The following YTHDF1 variants were observed in gnomAD, a reference collection of about 807,000 sequenced individuals.
The protein encoded by YTHDF1 is YTH domain-containing family protein 1.
In YTHDF1, 16 loss-of-function variants were observed where a neutral mutation model predicts 49.1. The observed-to-expected ratio is 0.33, with a 90% CI of 0.22 to 0.49. YTHDF1 has a LOEUF of 0.49. Among genes scored for constraint, YTHDF1 ranks in the 20% least tolerant of loss-of-function variants. The probability of loss-of-function intolerance (pLI) is 0.99; values close to 1 mark genes in which losing one functional copy is unlikely to be tolerated. For missense variants in YTHDF1, 621 were observed against 744.3 expected, an observed-to-expected ratio of 0.83 and a Z score of 1.93; for synonymous variants, 313 against 290.1, an observed-to-expected ratio of 1.08 and a Z score of -0.80.
rs765038885 is a variant in YTHDF1 at position 63,203,039 on chromosome 20, C to T, written c.901G>A (p.Val301Met). The T allele has an allele frequency of 1.4e-5, 22 of 1,606,682 alleles. No homozygotes were observed. The highest frequency in any genetic ancestry group is 1.8e-5 in the Non-Finnish European group (21 of 1,175,466). Residue 301 changes from valine to methionine, a missense_variant, in exon 4 of 5, where the codon GTG becomes ATG. By Grantham distance (21) the Val-to-Met change is conservative. This residue lies in a region of YTHDF1 where 470 missense variants were observed against 495.8 expected (regional missense o/e 0.95). Coordinates refer to ENST00000370339, the MANE Select transcript of YTHDF1 (RefSeq NM_017798.4). The surrounding 1 kb of genome is among the most constrained non-coding windows in gnomAD (Gnocchi z 4.4). Reference protein sequence around the residue: ...SPQAAPQPQQVAQPLPAQPPA... With the variant: ...SPQAAPQPQQMAQPLPAQPPA... ...GGCTGTGCTGGGAGAGGCTGAGCCA[C>T]CTGCTGGGGCTGTGGGGCAGCCTGT...
In YTHDF1 at chr20:63,215,167, C is replaced by G. The variant is rs74570604; in HGVS notation, c.52+410G>C. 8.9e-3 allele frequency among the ~76,000 whole-genome samples: 1,362 copies of G among 152,320 alleles called. 20 individuals carry two copies. The highest frequency in any genetic ancestry group is 0.031 in the African/African-American group (1,281 of 41,568). ...GCCATAATGTCACAGGAGATGCTAA[C>G]AGACTTGGAAAACGGGCTGCAACTA... On this transcript the variant is annotated intron_variant, in intron 2 of 4. Coordinates refer to ENST00000370339, the MANE Select transcript of YTHDF1 (RefSeq NM_017798.4).
Position 63,203,272 on chromosome 20 carries a change from T to C in YTHDF1, c.668A>G (p.Asn223Ser), listed in dbSNP as rs1312780218. The change falls in exon 4 of 5, where the codon AAT (asparagine) becomes AGT (serine). Residue 223 changes from asparagine (N) to serine (S), a missense_variant. Physicochemically the swap from Asn to Ser is conservative, Grantham distance 46. Transcript: ENST00000370339. This position sits in a 1 kb window ranked among gnomAD's most constrained non-coding sequence, Gnocchi z 4.4. Reference sequence around the variant, plus strand: ...CGGCTTTGAAACTGGCATGTTCACATTTGTCCCACCGTTGCCAGAAAGGAC... The same window carrying C: ...CGGCTTTGAAACTGGCATGTTCACACTTGTCCCACCGTTGCCAGAAAGGAC... ...TGVLSGNGGTNVNMPVSKPTS... is the reference protein window; with the variant it reads ...TGVLSGNGGTSVNMPVSKPTS... 1.9e-6 allele frequency: 3 copies of C among 1,613,886 alleles called. No individual in the cohort carries two copies. Among genetic ancestry groups the C allele is most frequent in the Admixed American group, 3.3e-5 (2 of 60,030 alleles).
chr20:63,203,817 C>G lies in YTHDF1; in HGVS notation c.133-10G>C. 6.3e-7 allele frequency: 1 copy of G among 1,584,764 alleles called. No individual in the cohort carries two copies. The highest frequency in any genetic ancestry group is 8.6e-7 in the Non-Finnish European group (1 of 1,159,432). Reference sequence around the variant, plus strand: ...AGGGGTAACTGTTACTCTGCAAAAGCAAACGTGACAAGTTACACCACTTCT... The same window carrying G: ...AGGGGTAACTGTTACTCTGCAAAAGGAAACGTGACAAGTTACACCACTTCT... On this transcript the variant is annotated splice_polypyrimidine_tract_variant and intron_variant, in intron 3 of 4. Transcript: ENST00000370339. The surrounding 1 kb of genome is among the most constrained non-coding windows in gnomAD (Gnocchi z 4.4).
chr20:63,201,049 A>C (rs2066515000), intron 4 of YTHDF1, among the ~76,000 whole-genome samples: 1 of 152,180 alleles, frequency 6.6e-6, no homozygotes, highest in African/African-American at 2.4e-5. Context: ...CATTTAAAAA[A>C]AAAAAAAAGA....
intron 2 of YTHDF1, 36 bp from the exon 3 acceptor site, chr20:63,213,979 T>C: frequency 6.4e-7 from 1 of 1,562,302 alleles, no homozygotes; most frequent in Non-Finnish European, 8.6e-7. Flanking sequence ...ACCCTCAAAT[T>C]TTAAAAGATT....
intron 3 of YTHDF1, among the ~76,000 whole-genome samples, chr20:63,207,412 T>C (rs1601237219): frequency 6.6e-6 from 1 of 151,606 alleles, no homozygotes; most frequent in Non-Finnish European, 1.5e-5. Context: ...GAGCTTGCAG[T>C]GAGCCGAGAT....
chr20:63,198,732 C>A (rs6011661), intron 4 of YTHDF1, among the ~76,000 whole-genome samples: 150,328 of 152,310 alleles, frequency 0.99, 74,205 homozygotes, highest in East Asian at 1. Flanking sequence ...TATGCTCTTT[C>A]TTAATTTCCA....
Position 63,203,735 on chromosome 20 carries a change from A to T in YTHDF1, c.205T>A (p.Ser69Thr). 3.1e-6 allele frequency: 5 copies of T among 1,614,054 alleles called. No individual in the cohort carries two copies. The highest frequency in any genetic ancestry group is 4.2e-6 in the Non-Finnish European group (5 of 1,179,990). The change falls in exon 4 of 5, where the codon TCC becomes ACC. Residue 69 changes from serine (S) to threonine (T), a missense_variant. This residue lies in a region of YTHDF1 where 470 missense variants were observed against 495.8 expected (regional missense o/e 0.95). Transcript: ENST00000370339. This position sits in a 1 kb window ranked among gnomAD's most constrained non-coding sequence, Gnocchi z 4.4. Reference protein sequence around the residue: ...YYPPSIGFPYSLNEAPWSTAG... With the variant: ...YYPPSIGFPYTLNEAPWSTAG... ...GTAGACCACGGAGCCTCATTGAGGG[A>T]GTAAGGAAATCCAATGGACGGCGGG...
Position 63,202,775 on chromosome 20 carries a change from C to T in YTHDF1, c.1165G>A (p.Gly389Arg), listed in dbSNP as rs2066523772. The T allele has an allele frequency of 6.2e-7, 1 of 1,614,128 alleles. No homozygotes were observed. Among genetic ancestry groups the T allele is most frequent in the Non-Finnish European group, 8.5e-7 (1 of 1,180,044 alleles). The change falls in exon 4 of 5, where the codon GGG (glycine) becomes AGG (arginine). Residue 389 changes from glycine (G) to arginine (R), a missense_variant. By Grantham distance (125) the Gly-to-Arg change is moderately radical. Coordinates refer to ENST00000370339, the MANE Select transcript of YTHDF1 (RefSeq NM_017798.4). ...PKEFEWNLKS[G>R]RVFIIKSYSE... is the part of the protein sequence containing the mutation. ...TAGCTCTTGATGATGAACACACGCC[C>T]GCTTTTCAGATTCCACTCAAACTCT...
In YTHDF1 at chr20:63,203,888, A is replaced by C; in HGVS notation, c.133-81T>G. On this transcript the variant is annotated intron_variant, in intron 3 of 4. Coordinates refer to ENST00000370339, the MANE Select transcript of YTHDF1 (RefSeq NM_017798.4). The surrounding 1 kb of genome is among the most constrained non-coding windows in gnomAD (Gnocchi z 4.4). ...TGCCAACCGCCTCTTGCTTAAGCAC[A>C]GGTGGAGCAAAAACAAAACCTGCAC... 7.2e-7 allele frequency: 1 copy of C among 1,390,552 alleles called. No individual in the cohort carries two copies. The highest frequency in any genetic ancestry group is 9.6e-7 in the Non-Finnish European group (1 of 1,036,836). 86.1% of individuals were successfully genotyped at this position (1,390,552 alleles called of 1,614,324 possible). A position where few individuals can be genotyped will look rare whatever the true frequency, so the allele number is the denominator to read the frequency against.
chr20:63,209,303 C>A (rs1328434693), intron 3 of YTHDF1, among the ~76,000 whole-genome samples: 2 of 152,314 alleles, frequency 1.3e-5, no homozygotes, highest in South Asian at 2.1e-4. Flanking sequence ...TAAACCCTAG[C>A]CTACTATGGC....
At chr20:63,214,514 G>T (rs1389728942) in intron 2 of YTHDF1, among the ~76,000 whole-genome samples, 1 of 152,198 alleles carries the variant, frequency 6.6e-6, no homozygotes, top group Non-Finnish European at 1.5e-5. Flanking sequence ...TGTGCCCAAG[G>T]TAGTCGGGGG....
At chr20:63,198,175 G>A (rs1266681291) in intron 4 of YTHDF1, among the ~76,000 whole-genome samples, 1 of 151,950 alleles carries the variant, frequency 6.6e-6, no homozygotes, top group Non-Finnish European at 1.5e-5. Context: ...GCTCATGCCT[G>A]TAATCCTAGC....
intron 4 of YTHDF1, among the ~76,000 whole-genome samples, chr20:63,198,634 C>CAAA (rs11478753): frequency 6.9e-6 from 1 of 144,474 alleles, no homozygotes; most frequent in Non-Finnish European, 1.5e-5. Context: ...TAAAATTTCT[C>CAAA]AAAAAAAAAA....
intron 4 of YTHDF1, among the ~76,000 whole-genome samples, chr20:63,199,176 C>T (rs1422096173): frequency 1.3e-5 from 2 of 152,228 alleles, no homozygotes; most frequent in African/African-American, 4.8e-5. Flanking sequence ...GGGGGCTCTA[C>T]CAGCACAGGC....
intron 3 of YTHDF1, among the ~76,000 whole-genome samples, chr20:63,208,909 T>G (rs549492432): frequency 6.6e-6 from 1 of 152,308 alleles, no homozygotes; most frequent in African/African-American, 2.4e-5. Flanking sequence ...ATGAGCAATT[T>G]CGTCACTGTG....
chr20:63,206,032 G>A (rs531522674), intron 3 of YTHDF1, among the ~76,000 whole-genome samples: 4 of 151,076 alleles, frequency 2.6e-5, no homozygotes, highest in Non-Finnish European at 4.4e-5. Flanking sequence ...GGGGGTGAGC[G>A]AATCAGGGGG....
In YTHDF1 at chr20:63,215,882, G is replaced by C; in HGVS notation, c.11C>G (p.Thr4Ser). 6.9e-7 allele frequency: 1 copy of C among 1,449,138 alleles called. No individual in the cohort carries two copies. The highest frequency in any genetic ancestry group is 2.4e-4 in the Middle Eastern group (1 of 4,152). The allele number at this position is 1,449,138 out of a possible 1,614,324, so 89.8% of individuals were successfully genotyped here. A position where few individuals can be genotyped will look rare whatever the true frequency, so the allele number is the denominator to read the frequency against. Residue 4 changes from threonine to serine, a missense_variant, in exon 1 of 5, where the codon ACC (threonine) becomes AGC (serine). Around this residue, in one of 2 missense-constraint regions of YTHDF1, gnomAD observed 470 missense variants for 495.8 expected, o/e 0.95. Transcript: ENST00000370339. Reference protein sequence around the residue: MSATSVDTQRTKGQ... With the variant: MSASSVDTQRTKGQ... ...CCCCGCTACCTGGGTGTCCACGCTGGTGGCCGACATGCTTCATGAACAACT... is the reference window on the plus strand; with the variant it reads ...CCCCGCTACCTGGGTGTCCACGCTGCTGGCCGACATGCTTCATGAACAACT...
chr20:63,203,578 T>C lies in YTHDF1; in HGVS notation c.362A>G (p.Asn121Ser), dbSNP rs1278143070. 1.9e-6 allele frequency: 3 copies of C among 1,613,962 alleles called. No homozygotes were observed. The highest frequency in any genetic ancestry group is 1.7e-5 in the Admixed American group (1 of 60,002). The change falls in exon 4 of 5, where the codon AAT (asparagine) becomes AGT (serine). Residue 121 changes from asparagine (N) to serine (S), a missense_variant. This residue lies in a region of YTHDF1 where 470 missense variants were observed against 495.8 expected (regional missense o/e 0.95). Coordinates refer to ENST00000370339, the MANE Select transcript of YTHDF1 (RefSeq NM_017798.4). The surrounding 1 kb of genome is among the most constrained non-coding windows in gnomAD (Gnocchi z 4.4). The part of the protein sequence containing the change: ...LGNNIYQHRF[N>S]FFPENPAFSA... ...GAACGCAGGGTTTTCAGGGAAAAAA[T>C]TGAACCTGTGCTGATAGATGTTGTT...
Sources: allele counts gnomAD v4.1 joint callset (sites outside exome capture counted in the v4.1 genomes callset), GRCh38; gene constraint gnomAD v4.1.1; regional missense constraint gnomAD v4.1.1; non-coding constraint Gnocchi (gnomAD v3.1); transcripts MANE v1.5; gene names NCBI Gene and HGNC (gene_info 2026-07-23, HGNC 2026-07-21).